NEMF: variants seen among roughly 807,000 people sequenced by gnomAD.
The protein encoded by NEMF is ribosome quality control complex subunit NEMF.
In NEMF, 89 loss-of-function variants were observed where a neutral mutation model predicts 162.2. The observed-to-expected ratio is 0.55, with a 90% confidence interval of 0.46 to 0.65. The LOEUF is 0.65. NEMF is among the 30% of genes least tolerant of loss of function. The pLI is 0.00. For missense variants in NEMF, 1,133 were observed against 1,261.9 expected (o/e 0.90, Z 1.55); for synonymous variants, 421 against 404.5 (o/e 1.04, Z -0.49).
intron 4 of NEMF, among the ~76,000 whole-genome samples, chr14:49,845,305 G>A (rs988184190): frequency 1.7e-4 from 26 of 151,962 alleles, no homozygotes; most frequent in Admixed American, 1.6e-3. Context: ...TGTTGGCCAG[G>A]CTGGTCTTGA....
chr14:49,810,138 G>A (rs1417239486), intron 18 of NEMF, among the ~76,000 whole-genome samples: 1 of 152,102 alleles, frequency 6.6e-6, no homozygotes, highest in Non-Finnish European at 1.5e-5. Context: ...GGAGGCTGAG[G>A]CGGGCGGATC....
At chr14:49,802,293 C>T in intron 22 of NEMF, among the ~76,000 whole-genome samples, 160 bp downstream of exon 22, 1 of 149,726 alleles carries the variant, frequency 6.7e-6, no homozygotes, top group East Asian at 1.9e-4. Context: ...TTTAGCATTT[C>T]CAAAAAAAAA....
In NEMF at chr14:49,799,870, C is replaced by T. The variant is rs888504563; in HGVS notation, c.2373-192G>A. Among the ~76,000 whole-genome samples the T allele has an allele frequency of 3.8e-4, 58 of 152,146 alleles. 1 individual carries two copies. The highest frequency in any genetic ancestry group is 1.3e-3 in the African/African-American group (55 of 41,438). On this transcript the variant is annotated intron_variant, in intron 23 of 32. Transcript: ENST00000298310. The stretch of plus-strand genomic sequence containing the variant: ...TCCATATACATTTTTAAATAGGTGA[C>T]GTGTATTGAAAACTTACTGTGTGTC...
At chr14:49,846,049 A>C in intron 4 of NEMF, 91 bp downstream of exon 4, 1 of 1,126,762 alleles carries the variant, frequency 8.9e-7, no homozygotes, top group South Asian at 1.6e-5. Flanking sequence ...TGACACAGAA[A>C]AAAAATGTTC....
chr14:49,794,193 C>A (rs938676957), intron 26 of NEMF, among the ~76,000 whole-genome samples: 1 of 152,020 alleles, frequency 6.6e-6, no homozygotes, highest in Non-Finnish European at 1.5e-5. Context: ...TATTTTACTA[C>A]CTCATAGGGA....
chr14:49,822,926 C>A (rs1892152743), intron 16 of NEMF, among the ~76,000 whole-genome samples: 1 of 129,842 alleles, frequency 7.7e-6, no homozygotes, highest in Non-Finnish European at 1.6e-5. Context: ...ATCAGAGTCC[C>A]CTTAGAGATT....
At position 49,789,209 on chromosome 14, in the gene NEMF, C is replaced by CG; in HGVS notation, c.2831dup (p.Phe945ValfsTer3). On this transcript the variant is annotated frameshift_variant, in exon 28 of 33. Coordinates refer to ENST00000298310, the MANE Select transcript of NEMF (RefSeq NM_004713.6). LOFTEE classifies it high-confidence loss of function. ...ACTCATGAGTTATAACCTCAAGGAA[C>CG]GGAGTTTCTTTCTTAATGTTGTCAG... The CG allele has an allele frequency of 6.2e-7, 1 of 1,614,100 alleles. No individual in the cohort carries two copies. Among genetic ancestry groups the CG allele is most frequent in the Non-Finnish European group, 8.5e-7 (1 of 1,179,992 alleles).
At chr14:49,828,546 T>A (rs1227348479) in intron 14 of NEMF, 70 bp downstream of exon 14, 15 of 1,317,456 alleles carry the variant, frequency 1.1e-5, no homozygotes, top group South Asian at 1.0e-4. Context: ...TAAAATTTTT[T>A]AAAATGTCCT....
rs1489552738 is a variant in NEMF at position 49,832,245 on chromosome 14, T to C, written c.768A>G (p.Pro256=). 6 of 1,607,042 alleles carry C rather than the reference T, an allele frequency of 3.7e-6. No homozygotes were observed. Among genetic ancestry groups the C allele is most frequent in the South Asian group, 1.1e-5 (1 of 90,666 alleles). The part of the protein sequence containing the change: ...GYIIQKREIK[P]SLEADKPVED... Reference sequence around the variant, plus strand: ...CAACTGGTTTATCTGCTTCCAAGCTTGGTTTTATTTCTCTTTTCTGAATGA... The same window carrying C: ...CAACTGGTTTATCTGCTTCCAAGCTCGGTTTTATTTCTCTTTTCTGAATGA... Residue 256 remains proline (P), a synonymous_variant, in exon 9 of 33, where the codon CCA becomes CCG. Transcript: ENST00000298310.
chr14:49,786,842 C>G, intron 28 of NEMF, 92 bp from the exon 29 acceptor site: 2 of 1,181,208 alleles, frequency 1.7e-6, no homozygotes, highest in Non-Finnish European at 1.2e-6. Context: ...AACAGTGATA[C>G]AACCAGACTG....
rs1240400756 is a variant in NEMF, at chr14:49,834,421, A to G, written c.603T>C (p.Cys201=). Residue 201 remains cysteine, a synonymous_variant, in exon 7 of 33, where the codon TGT becomes TGC. Transcript: ENST00000298310. The part of the protein sequence containing the change: ...LPYGPALIEH[C]LLENGFSGNV... ...TACCCGAGAATCCATTTTCTAAAAGACAGTGTTCAATGAGAGCTGGTCCAT... is the reference window on the plus strand; with the variant it reads ...TACCCGAGAATCCATTTTCTAAAAGGCAGTGTTCAATGAGAGCTGGTCCAT... The G allele has an allele frequency of 3.1e-6, 5 of 1,607,388 alleles. No individual in the cohort carries two copies. The African/African-American group carries it at 6.7e-5, about 21-fold the overall frequency.
intron 26 of NEMF, among the ~76,000 whole-genome samples, chr14:49,794,574 T>A (rs1890598016): frequency 2.3e-5 from 3 of 132,764 alleles, no homozygotes; most frequent in Non-Finnish European, 4.6e-5. Flanking sequence ...TGCCTGTAAA[T>A]AGCCACTACA....
intron 25 of NEMF, 89 bp downstream of exon 25, chr14:49,799,386 A>C (rs1890850458): frequency 9.0e-7 from 1 of 1,104,978 alleles, no homozygotes. Flanking sequence ...GGAAGTCTTT[A>C]AACAGCTAAG....
At chr14:49,832,424 C>T (rs1452038054) in intron 8 of NEMF, 147 bp from the exon 9 acceptor site, 6 of 568,396 alleles carry the variant, frequency 1.1e-5, no homozygotes, top group South Asian at 2.1e-5. Context: ...CTCTGCCTCC[C>T]GGGTTCAAGC....
Position 49,784,651 on chromosome 14 carries a change from G to T in NEMF, c.3216C>A (p.Asn1072Lys). 6.2e-7 allele frequency: 1 copy of T among 1,608,184 alleles called. No homozygotes were observed. Among genetic ancestry groups the T allele is most frequent in the Non-Finnish European group, 8.5e-7 (1 of 1,176,822 alleles). Residue 1072 changes from asparagine (N) to lysine (K), a missense_variant, in exon 33 of 33, where the codon AAC becomes AAA. Physicochemically the swap from Asn to Lys is moderately conservative, Grantham distance 94. Coordinates refer to ENST00000298310, the MANE Select transcript of NEMF (RefSeq NM_004713.6). ...TTCATTTCAGCTATTTCCTTTTTAC[G>T]TTCAGAAGATTGGGTGCAGACACTT... ...KVKVSAPNLL[N>K]VKRK
chr14:49,838,570 C>A (rs1566702846), intron 5 of NEMF, among the ~76,000 whole-genome samples: 5 of 146,260 alleles, frequency 3.4e-5, no homozygotes. Flanking sequence ...CATCGAACAA[C>A]TTTTTTTTTG....
rs773632456 is a variant in NEMF, at chr14:49,799,981, C to G, written c.2373-303G>C. 3.9e-5 allele frequency among the ~76,000 whole-genome samples: 6 copies of G among 152,300 alleles called. No homozygotes were observed. In the South Asian group the frequency reaches 6.2e-4, roughly 16 times the overall value. ...CATTCTGTTTTCACCAAGAAGGAAA[C>G]TGAAGCTTAAGCACAAAGTAATTTT... On this transcript the variant is annotated intron_variant, in intron 23 of 32. Transcript: ENST00000298310.
At chr14:49,835,274 T>C (rs1892844901) in intron 6 of NEMF, among the ~76,000 whole-genome samples, 1 of 151,694 alleles carries the variant, frequency 6.6e-6, no homozygotes, top group South Asian at 2.1e-4. Context: ...AAACTACAAT[T>C]AACTTACAAA....
In NEMF at chr14:49,800,598, G is replaced by T. The variant is rs750367198; in HGVS notation, c.2194C>A (p.Gln732Lys). The T allele has an allele frequency of 2.0e-5, 32 of 1,613,690 alleles. No individual in the cohort carries two copies. The highest frequency in any genetic ancestry group is 2.5e-5 in the Non-Finnish European group (30 of 1,179,748). ...TCATTTAGTTCATCTCTGCCACTCT[G>T]AAGAGTGATATCCTCTTGGTCAACC... ...TQVDQEDITL[Q>K]SGRDELNEEL... The change falls in exon 23 of 33, where the codon CAG becomes AAG. Residue 732 changes from glutamine (Q) to lysine (K), a missense_variant. Transcript: ENST00000298310.
Sources: allele counts gnomAD v4.1 joint callset (sites outside exome capture counted in the v4.1 genomes callset), GRCh38; gene constraint gnomAD v4.1.1; transcripts MANE v1.5; gene names NCBI Gene and HGNC (gene_info 2026-07-23, HGNC 2026-07-21).